TTC6: variants seen among roughly 807,000 people sequenced by gnomAD.
The protein encoded by TTC6 is tetratricopeptide repeat domain 6, also known as tetratricopeptide repeat protein 6.
TTC6 carries 172 observed loss-of-function variants against 210.4 expected under a neutral mutation model. The ratio of observed to expected loss-of-function variants is 0.82; its 90% CI spans 0.72 to 0.93. TTC6 has a LOEUF of 0.93. TTC6 is among the 40% of genes least tolerant of loss of function. TTC6 has a pLI of 0.00. For missense variants in TTC6, 2,414 were observed against 2,318.1 expected (o/e 1.04, Z -0.85); for synonymous variants, 804 against 819.6 (o/e 0.98, Z 0.32).
chr14:37,737,167 A>G (rs1341692939), intron 8 of TTC6, among the ~76,000 whole-genome samples: 1 of 152,170 alleles, frequency 6.6e-6, no homozygotes, highest in Non-Finnish European at 1.5e-5. Context: ...AACTCTTAAT[A>G]TAATAACACC....
In TTC6 at chr14:37,598,075, G is replaced by A. The variant is rs1392180526; in HGVS notation, c.-235+2067G>A. On this transcript the variant is annotated intron_variant, in intron 1 of 2. Coordinates refer to the TTC6 transcript ENST00000556845. The surrounding 1 kb of genome is among the most constrained non-coding windows in gnomAD (Gnocchi z 4.9). ...TACATAAAGTAATGCTGCTGTCTGGGAGTTGCTGGCCAGTCGGTAGCCAGG... is the reference window on the plus strand; with the variant it reads ...TACATAAAGTAATGCTGCTGTCTGGAAGTTGCTGGCCAGTCGGTAGCCAGG... Among the ~76,000 whole-genome samples, 3 of 152,206 alleles carry A rather than the reference G, an allele frequency of 2.0e-5. No homozygotes were observed. The highest frequency in any genetic ancestry group is 7.2e-5 in the African/African-American group (3 of 41,460).
chr14:37,840,453 C>T (rs2096207358), intron 29 of TTC6, among the ~76,000 whole-genome samples: 2 of 151,994 alleles, frequency 1.3e-5, no homozygotes, highest in Admixed American at 6.6e-5. Flanking sequence ...CTATTCCACT[C>T]AATAGAAAGA....
Position 37,669,610 on chromosome 14 carries a change from T to C in TTC6, c.940-10541T>C, listed in dbSNP as rs543260857. Among the ~76,000 whole-genome samples the C allele has an allele frequency of 1.4e-4, 22 of 152,346 alleles. No individual in the cohort carries two copies. In the East Asian group the frequency reaches 4.2e-3, roughly 29 times the overall value. On this transcript the variant is annotated intron_variant, in intron 1 of 30. Transcript: ENST00000553443. Reference sequence around the variant, plus strand: ...ATCTACACATCAATATATATGTTCATCTAGGCTGTGACTACCTTAGTGATC... The same window carrying C: ...ATCTACACATCAATATATATGTTCACCTAGGCTGTGACTACCTTAGTGATC...
intron 29 of TTC6, among the ~76,000 whole-genome samples, chr14:37,832,380 G>A (rs554559787): frequency 6.6e-5 from 2 of 30,430 alleles, no homozygotes; most frequent in Non-Finnish European, 1.4e-4. Context: ...GCTAGTTCTT[G>A]CTTTTCTAGT....
At chr14:37,833,661 T>C (rs1445667965) in intron 29 of TTC6, among the ~76,000 whole-genome samples, 1 of 152,218 alleles carries the variant, frequency 6.6e-6, no homozygotes, top group African/African-American at 2.4e-5. Flanking sequence ...TATTGTTTTC[T>C]ATATTTGTTC....
At chr14:37,596,620 C>T (rs538745476) in intron 1 of TTC6, among the ~76,000 whole-genome samples, 122 of 152,224 alleles carry the variant, frequency 8.0e-4, no homozygotes, top group African/African-American at 2.8e-3. Flanking sequence ...AGTGTGTGAC[C>T]GTTTGTATAT....
chr14:37,689,627 C>T (rs2095800034), intron 3 of TTC6, among the ~76,000 whole-genome samples: 1 of 152,144 alleles, frequency 6.6e-6, no homozygotes. Context: ...GCAGACTTTT[C>T]AGTGGAAACC....
intron 1 of TTC6, among the ~76,000 whole-genome samples, chr14:37,604,047 G>A (rs1230129864): frequency 6.6e-6 from 1 of 152,220 alleles, no homozygotes; most frequent in African/African-American, 2.4e-5. Context: ...GGGACATGTA[G>A]TGTCAGGGGC....
chr14:37,798,403 A>G (rs888296833), intron 20 of TTC6, among the ~76,000 whole-genome samples: 2 of 151,874 alleles, frequency 1.3e-5, no homozygotes, highest in African/African-American at 4.8e-5. Flanking sequence ...CTTTAAAAAA[A>G]TTTGTTTGCT....
At chr14:37,756,480 G>C (rs1018988688) in intron 14 of TTC6, among the ~76,000 whole-genome samples, 2 of 152,100 alleles carry the variant, frequency 1.3e-5, no homozygotes, top group Non-Finnish European at 2.9e-5. Flanking sequence ...TATATATTAT[G>C]GGTTTGTCAT....
At chr14:37,773,576 G>A (rs185801186) in intron 14 of TTC6, among the ~76,000 whole-genome samples, 3 of 152,084 alleles carry the variant, frequency 2.0e-5, no homozygotes, top group Admixed American at 1.3e-4. Context: ...TAGGTGTGTG[G>A]TATTATTTCT....
chr14:37,743,134 A>G (rs562657839), intron 10 of TTC6, among the ~76,000 whole-genome samples: 1 of 152,230 alleles, frequency 6.6e-6, no homozygotes, highest in African/African-American at 2.4e-5. Flanking sequence ...GATAGCTAGC[A>G]GGTTAATTTA....
At chr14:37,622,817 G>A in exon 1 of TTC6, 2 of 1,534,058 alleles carry the variant, frequency 1.3e-6, no homozygotes, top group Non-Finnish European at 1.7e-6. Context: ...AGGGAGAACA[G>A]GAGAGCTGGC....
At chr14:37,633,284 T>C (rs1037658922) in intron 1 of TTC6, among the ~76,000 whole-genome samples, 3 of 152,210 alleles carry the variant, frequency 2.0e-5, no homozygotes, top group Non-Finnish European at 2.9e-5. Flanking sequence ...CTGGTCTGCA[T>C]GTTGCGAAGA....
chr14:37,670,474 C>CTTTTTTTT (rs66725764), intron 1 of TTC6, among the ~76,000 whole-genome samples: 3 of 121,326 alleles, frequency 2.5e-5, no homozygotes, highest in Non-Finnish European at 3.4e-5. Context: ...AACTACCTCA[C>CTTTTTTTT]TTTTTTTTTT....
intron 7 of TTC6, among the ~76,000 whole-genome samples, chr14:37,727,397 A>C (rs184213296): frequency 6.7e-6 from 1 of 148,470 alleles, no homozygotes; most frequent in Admixed American, 6.8e-5. Context: ...AGGTTCAAGC[A>C]ATTCCCCTGC....
chr14:37,794,354 A>G (rs1030219626), intron 17 of TTC6, among the ~76,000 whole-genome samples: 1 of 152,150 alleles, frequency 6.6e-6, no homozygotes, highest in African/African-American at 2.4e-5. Context: ...CTCTACAGGT[A>G]CTGCCTGCTT....
At chr14:37,683,212 G>A (rs2095787784) in intron 3 of TTC6, among the ~76,000 whole-genome samples, 1 of 152,070 alleles carries the variant, frequency 6.6e-6, no homozygotes, top group African/African-American at 2.4e-5. Context: ...AAGGAGGGAA[G>A]GAATTTTTAG....
intron 3 of TTC6, among the ~76,000 whole-genome samples, chr14:37,691,765 GA>G (rs1409123611): frequency 1.1e-4 from 16 of 152,084 alleles, no homozygotes; most frequent in African/African-American, 2.9e-4. Context: ...TTGGTTTTTT[GA>G]AAAGCTAAAC....
Sources: gnomAD v4.1 joint callset for allele counts (sites outside exome capture counted in the v4.1 genomes callset) on GRCh38, gnomAD v4.1.1 for gene constraint, Gnocchi (gnomAD v3.1) non-coding constraint, MANE v1.5 for transcripts, NCBI Gene and HGNC (gene_info 2026-07-23, HGNC 2026-07-21) for gene names.